The following CADPS2 variants were observed in gnomAD, a reference collection of about 807,000 sequenced individuals.
The protein encoded by CADPS2 is calcium-dependent secretion activator 2.
CADPS2 carries 93 observed loss-of-function variants against 172.5 expected under a neutral mutation model. That is an observed-to-expected ratio of 0.54 (90% confidence interval 0.46 to 0.64). The LOEUF (loss-of-function observed/expected upper bound fraction) is 0.64. Among genes scored for constraint, CADPS2 ranks in the 30% least tolerant of loss-of-function variants. The probability of loss-of-function intolerance (pLI) is 0.00; values close to 1 mark genes in which losing one functional copy is unlikely to be tolerated. For missense variants in CADPS2, 1,420 were observed against 1,565.9 expected, an observed-to-expected ratio of 0.91 and a Z score of 1.57; for synonymous variants, 546 against 555.2, an observed-to-expected ratio of 0.98 and a Z score of 0.23.
chr7:122,635,742 T>A (rs2077009982), intron 3 of CADPS2, among the ~76,000 whole-genome samples: 1 of 152,188 alleles, frequency 6.6e-6, no homozygotes, highest in Non-Finnish European at 1.5e-5. Flanking sequence ...GCTAAATTTT[T>A]TCACAGGTCA....
chr7:122,592,988 GAATAAATA>G (rs141800604), intron 6 of CADPS2, among the ~76,000 whole-genome samples: 19 of 148,144 alleles, frequency 1.3e-4, no homozygotes, highest in African/African-American at 3.3e-4. Context: ...GAAGTAAAAT[GAATAAATA>G]AATAAATAAA....
intron 29 of CADPS2, among the ~76,000 whole-genome samples, chr7:122,321,207 C>G (rs762370135): frequency 6.6e-6 from 1 of 152,178 alleles, no homozygotes; most frequent in Non-Finnish European, 1.5e-5. Flanking sequence ...CACTCTCTTA[C>G]CCAGGCTGGA....
chr7:122,481,085 G>GGAATT (rs763346876), intron 11 of CADPS2, among the ~76,000 whole-genome samples: 17 of 151,854 alleles, frequency 1.1e-4, no homozygotes, highest in Non-Finnish European at 2.5e-4. Flanking sequence ...GAACTCTGGA[G>GGAATT]GAATTCATGG....
chr7:122,449,888 T>G (rs538658741), intron 15 of CADPS2, among the ~76,000 whole-genome samples: 61 of 152,270 alleles, frequency 4.0e-4, no homozygotes, highest in Middle Eastern at 3.4e-3. Context: ...CTGGTTATCA[T>G]GACAATGAAA....
rs554824079 is a variant in CADPS2, at chr7:122,569,879, A to G, written c.1335+11300T>C. On this transcript the variant is annotated intron_variant, in intron 7 of 29. Transcript: ENST00000449022. The stretch of plus-strand genomic sequence containing the variant: ...TTCCTTACACCTTATACAAAAATCA[A>G]TTCAAGATGGATTAAAGACTTAAAC... Among the ~76,000 whole-genome samples, 518 of 142,492 alleles carry G rather than the reference A, an allele frequency of 3.6e-3. 11 individuals are homozygous for G. Among genetic ancestry groups the G allele is most frequent in the African/African-American group, 0.014 (495 of 36,262 alleles). The allele number at this position is 142,492 out of a possible 152,430, so 93.5% of individuals were successfully genotyped here.
chr7:122,815,587 A>G (rs1392979428), intron 1 of CADPS2, among the ~76,000 whole-genome samples: 1 of 146,144 alleles, frequency 6.8e-6, no homozygotes, highest in African/African-American at 2.7e-5. Context: ...GACCTGGAGG[A>G]AAAAAAAAAT....
chr7:122,450,558 C>T, intron 15 of CADPS2, among the ~76,000 whole-genome samples: 1 of 105,800 alleles, frequency 9.5e-6, no homozygotes, highest in African/African-American at 3.7e-5. Flanking sequence ...GAGACAAGGT[C>T]TCATGCTGTC....
At chr7:122,508,894 T>C (rs541504970) in intron 9 of CADPS2, among the ~76,000 whole-genome samples, 5 of 152,118 alleles carry the variant, frequency 3.3e-5, no homozygotes, top group Admixed American at 6.6e-5. Flanking sequence ...AAGGGGCCTT[T>C]CATTTTCTAC....
At chr7:122,584,826 C>G (rs1230052937) in intron 6 of CADPS2, among the ~76,000 whole-genome samples, 1 of 151,796 alleles carries the variant, frequency 6.6e-6, no homozygotes, top group Non-Finnish European at 1.5e-5. Context: ...TTATTAAGTT[C>G]TATTTTTATT....
intron 27 of CADPS2, among the ~76,000 whole-genome samples, chr7:122,352,220 A>G (rs1199211249): frequency 2.0e-5 from 3 of 152,230 alleles, no homozygotes; most frequent in Non-Finnish European, 4.4e-5. Context: ...TATTATATTC[A>G]TAAGTAGCAA....
intron 3 of CADPS2, among the ~76,000 whole-genome samples, chr7:122,629,683 C>T (rs1045782089): frequency 6.6e-6 from 1 of 152,090 alleles, no homozygotes. Context: ...GCTAATGTTT[C>T]ACTTCTTTCT....
At position 122,612,369 on chromosome 7, in the gene CADPS2, A is replaced by G. The variant is rs548566240; in HGVS notation, c.1223+2812T>C. On this transcript the variant is annotated intron_variant, in intron 6 of 29. Transcript: ENST00000449022. ...AGGTTGATTGATGCATATAAAATCT[A>G]TATACAAAAATAATTATATTTCTAA... 3.5e-4 allele frequency among the ~76,000 whole-genome samples: 53 copies of G among 152,124 alleles called. 1 individual carries two copies. The highest frequency in any genetic ancestry group is 2.1e-4 in the South Asian group (1 of 4,830).
intron 9 of CADPS2, among the ~76,000 whole-genome samples, chr7:122,495,225 T>C (rs1483129700): frequency 2.0e-5 from 3 of 152,154 alleles, no homozygotes; most frequent in Non-Finnish European, 4.4e-5. Flanking sequence ...TTCTTAGAGA[T>C]ACATATGCTT....
At chr7:122,492,441 G>T (rs2058377886) in intron 9 of CADPS2, among the ~76,000 whole-genome samples, 1 of 152,040 alleles carries the variant, frequency 6.6e-6, no homozygotes, top group African/African-American at 2.4e-5. Flanking sequence ...GAGTGTGTCT[G>T]CTTGGATCAC....
At chr7:122,750,849 C>A (rs1037661736) in intron 1 of CADPS2, among the ~76,000 whole-genome samples, 3 of 151,966 alleles carry the variant, frequency 2.0e-5, no homozygotes. Context: ...CTGAGGGAGT[C>A]TGATATTCAG....
chr7:122,621,845 G>C, intron 4 of CADPS2, 128 bp from the exon 5 acceptor site: 3 of 618,228 alleles, frequency 4.9e-6, no homozygotes, highest in Non-Finnish European at 8.3e-6. Flanking sequence ...TATCCTACTT[G>C]AGTCACTAGG....
intron 1 of CADPS2, among the ~76,000 whole-genome samples, chr7:122,830,878 T>C (rs1326696710): frequency 2.0e-5 from 3 of 152,142 alleles, no homozygotes. Flanking sequence ...ACAAATAAAG[T>C]ACTTATAAAA....
At chr7:122,456,740 CAT>C (rs1453909512) in intron 14 of CADPS2, among the ~76,000 whole-genome samples, 5 of 152,244 alleles carry the variant, frequency 3.3e-5, no homozygotes, top group African/African-American at 9.6e-5. Context: ...CCATCACACA[CAT>C]GTACATCCCC....
chr7:122,872,033 C>A (rs996113348), intron 1 of CADPS2, among the ~76,000 whole-genome samples: 1 of 152,094 alleles, frequency 6.6e-6, no homozygotes, highest in African/African-American at 2.4e-5. Context: ...AATCTCTCCC[C>A]TGAGCTCCAA....
Sources: gnomAD v4.1 joint callset for allele counts (sites outside exome capture counted in the v4.1 genomes callset) on GRCh38, gnomAD v4.1.1 for gene constraint, MANE v1.5 for transcripts, NCBI Gene and HGNC (gene_info 2026-07-23, HGNC 2026-07-21) for gene names.